The following ZNF610 variants were observed in gnomAD, a reference collection of about 807,000 sequenced individuals.
ZNF610 encodes zink finger protein.
Under a neutral mutation model 14.1 loss-of-function variants are expected in ZNF610, and 14 were observed. The ratio of observed to expected loss-of-function variants is 0.99; its 90% CI spans 0.65 to 1.55. The LOEUF (loss-of-function observed/expected upper bound fraction) is 1.55. Among genes scored for constraint, ZNF610 ranks in the 40% most tolerant of loss-of-function variants. ZNF610 has a pLI of 0.00. For missense variants in ZNF610, 530 were observed against 558.0 expected (o/e 0.95, Z 0.51); for synonymous variants, 185 against 187.6 (o/e 0.99, Z 0.11).
chr19:52,334,025 A>G (rs545867945), upstream of ZNF610, among the ~76,000 whole-genome samples: 2 of 152,350 alleles, frequency 1.3e-5, no homozygotes, highest in South Asian at 4.1e-4. Flanking sequence ...AAAACCAAAG[A>G]AATCAGAATA....
At chr19:52,349,268 T>A (rs1438958829) in intron 3 of ZNF610, 33 bp downstream of exon 3, 1 of 1,602,746 alleles carries the variant, frequency 6.2e-7, no homozygotes, top group Admixed American at 1.7e-5. Context: ...TGGTTCTCTC[T>A]GTTTCTTTCT....
At position 52,366,727 on chromosome 19, in the gene ZNF610, A is replaced by G. The variant is rs1472960657; in HGVS notation, c.1349A>G (p.His450Arg). The G allele has an allele frequency of 6.2e-7, 1 of 1,614,018 alleles. No homozygotes were observed. Among genetic ancestry groups the G allele is most frequent in the Non-Finnish European group, 8.5e-7 (1 of 1,179,964 alleles). ...CACCTTTCACGACATCGGAAAATTC[A>G]TGCTGGAGAGAATTCACTGCGTACC... ...NPHLSRHRKIHAGENSLRTLQ... is the reference protein window; with the variant it reads ...NPHLSRHRKIRAGENSLRTLQ... The change falls in exon 6 of 6, where the codon CAT (histidine) becomes CGT (arginine). Residue 450 changes from histidine (H) to arginine (R), a missense_variant. By Grantham distance (29) the His-to-Arg change is conservative. Transcript: ENST00000403906.
intron 1 of ZNF610, among the ~76,000 whole-genome samples, chr19:52,346,645 G>T (rs1004663513): frequency 6.6e-6 from 1 of 152,194 alleles, no homozygotes; most frequent in Non-Finnish European, 1.5e-5. Flanking sequence ...TGCATTACCT[G>T]CTCACAAGAA....
At chr19:52,365,559 A>T in intron 5 of ZNF610, 139 bp from the exon 6 acceptor site, 1 of 766,878 alleles carries the variant, frequency 1.3e-6, no homozygotes, top group Non-Finnish European at 2.1e-6. Flanking sequence ...TTGTGTTTTC[A>T]GCTCTCACAA....
intron 1 of ZNF610, among the ~76,000 whole-genome samples, chr19:52,337,202 T>C (rs1984427886): frequency 1.3e-5 from 2 of 148,210 alleles, no homozygotes; most frequent in South Asian, 4.3e-4. Context: ...GGAGGAGGGA[T>C]TTGGAGCCAG....
intron 1 of ZNF610, among the ~76,000 whole-genome samples, chr19:52,340,314 C>G (rs569282882): frequency 2.0e-5 from 3 of 152,266 alleles, no homozygotes; most frequent in African/African-American, 7.2e-5. Context: ...ACCCTGGAGG[C>G]AGAGGTTGTG....
At chr19:52,343,520 T>C (rs530453883) in intron 1 of ZNF610, among the ~76,000 whole-genome samples, 3 of 151,986 alleles carry the variant, frequency 2.0e-5, no homozygotes, top group East Asian at 1.9e-4. Flanking sequence ...CGAGCCGATA[T>C]CATGCTATTG....
chr19:52,341,239 A>G (rs1984677013), intron 1 of ZNF610, among the ~76,000 whole-genome samples: 2 of 152,206 alleles, frequency 1.3e-5, no homozygotes, highest in Non-Finnish European at 2.9e-5. Flanking sequence ...CAATCAAGTT[A>G]TCGCATCCAC....
Position 52,366,609 on chromosome 19 carries a change from C to G in ZNF610, c.1231C>G (p.Arg411Gly), listed in dbSNP as rs200788536. 1 of 1,614,138 alleles carries G rather than the reference C, an allele frequency of 6.2e-7. No individual in the cohort carries two copies. The highest frequency in any genetic ancestry group is 8.5e-7 in the Non-Finnish European group (1 of 1,180,040). Reference sequence around the variant, plus strand: ...TAATGAATGTGACAAAGTCTTTGGGCGCAAATTATACCTAACCAACCATCA... The same window carrying G: ...TAATGAATGTGACAAAGTCTTTGGGGGCAAATTATACCTAACCAACCATCA... ...KCNECDKVFG[R>G]KLYLTNHQRI... is the part of the protein sequence containing the mutation. Residue 411 changes from arginine (R) to glycine (G), a missense_variant, in exon 6 of 6, where the codon CGC becomes GGC. Arg to Gly is a moderately radical substitution (Grantham distance 125). Transcript: ENST00000403906.
At position 52,354,439 on chromosome 19, in the gene ZNF610, G is replaced by A. The variant is rs80085749; in HGVS notation, c.319+60G>A. 5,071 of 1,566,292 alleles carry A rather than the reference G, an allele frequency of 3.2e-3. 131 individuals carry two copies. In the African/African-American group the frequency reaches 0.061, roughly 19 times the overall value. ...TTTTTATTTTTTTATTTTTGAGCCAGGGTGTTCCGCTATCACCCAGGCTGT... is the reference window on the plus strand; with the variant it reads ...TTTTTATTTTTTTATTTTTGAGCCAAGGTGTTCCGCTATCACCCAGGCTGT... On this transcript the variant is annotated intron_variant, in intron 5 of 5. Coordinates refer to ENST00000403906, the MANE Select transcript of ZNF610 (RefSeq NM_001161425.2).
At chr19:52,352,654 C>G (rs549236137) in intron 3 of ZNF610, among the ~76,000 whole-genome samples, 2 of 152,154 alleles carry the variant, frequency 1.3e-5, no homozygotes, top group East Asian at 3.9e-4. Context: ...TGCCTCCTAC[C>G]CCCACTTTTT....
In ZNF610 at chr19:52,348,404, CT is replaced by C. The variant is rs371511072; in HGVS notation, c.-20+468del. Among the ~76,000 whole-genome samples, 72 of 151,654 alleles carry C rather than the reference CT, an allele frequency of 4.7e-4. 1 individual carries two copies. In the East Asian group the frequency reaches 0.012, roughly 25 times the overall value. On this transcript the variant is annotated intron_variant, in intron 2 of 5. Coordinates refer to ENST00000403906, the MANE Select transcript of ZNF610 (RefSeq NM_001161425.2). ...TGTTTGTTACTTTTTGGTTTCTTTC[CT>C]TTTTTTTGTAATTATTTCAGTCTGT...
chr19:52,359,440 T>C (rs2657937), intron 5 of ZNF610, among the ~76,000 whole-genome samples: 26,455 of 152,070 alleles, frequency 0.17, 2,711 homozygotes, highest in East Asian at 0.32. Flanking sequence ...TCATTGAATC[T>C]GCACATATGG....
rs764201204 is a variant in ZNF610, at chr19:52,349,209, A to G, written c.37A>G (p.Lys13Glu). The part of the protein sequence containing the change: ...CDEEAQKRKA[K>E]ESGMALPQGR... ...TGAAGAAGCCCAGAAGAGGAAAGCA[A>G]AGGAGTCAGGGATGGCTCTTCCTCA... The change falls in exon 3 of 6, where the codon AAG becomes GAG. Residue 13 changes from lysine (K) to glutamate (E), a missense_variant. Lys to Glu is a moderately conservative substitution (Grantham distance 56). Transcript: ENST00000403906. The G allele has an allele frequency of 2.5e-6, 4 of 1,613,150 alleles. No homozygotes were observed. Among genetic ancestry groups the G allele is most frequent in the Non-Finnish European group, 3.4e-6 (4 of 1,179,898 alleles).
In ZNF610 at chr19:52,365,773, A is replaced by G. The variant is rs1403023532; in HGVS notation, c.395A>G (p.His132Arg). 3.1e-6 allele frequency: 5 copies of G among 1,614,078 alleles called. No individual in the cohort carries two copies. The highest frequency in any genetic ancestry group is 4.2e-6 in the Non-Finnish European group (5 of 1,180,048). Residue 132 changes from histidine to arginine, a missense_variant, in exon 6 of 6, where the codon CAT becomes CGT. Physicochemically the swap from His to Arg is conservative, Grantham distance 29. Coordinates refer to ENST00000403906, the MANE Select transcript of ZNF610 (RefSeq NM_001161425.2). ...KNQLGLTLEA[H>R]LSELQLFQAG... is the part of the protein sequence containing the mutation. ...CAACTTGGATTAACCCTTGAGGCAC[A>G]TCTGTCTGAATTGCAGCTGTTTCAA...
At chr19:52,356,676 T>C (rs896718360) in intron 5 of ZNF610, among the ~76,000 whole-genome samples, 5 of 152,324 alleles carry the variant, frequency 3.3e-5, no homozygotes, top group Middle Eastern at 3.4e-3. Context: ...CGTGACTTAG[T>C]AGCTACTATT....
intron 3 of ZNF610, among the ~76,000 whole-genome samples, chr19:52,350,187 G>C (rs1403339389): frequency 6.6e-6 from 1 of 152,290 alleles, no homozygotes; most frequent in Middle Eastern, 3.4e-3. Flanking sequence ...CCAGCAATTA[G>C]TTATTTTTTT....
At chr19:52,346,561 G>A (rs574035057) in intron 1 of ZNF610, among the ~76,000 whole-genome samples, 1 of 152,248 alleles carries the variant, frequency 6.6e-6, no homozygotes, top group South Asian at 2.1e-4. Flanking sequence ...GCCTCCCAAA[G>A]TTCTGGGGTT....
At chr19:52,334,337 A>G (rs970217813), upstream of ZNF610, among the ~76,000 whole-genome samples, 3 of 152,214 alleles carry the variant, frequency 2.0e-5, no homozygotes, top group Non-Finnish European at 4.4e-5. Context: ...ACTTAGTGAA[A>G]TCCCGTCTCT....
Sources: gnomAD v4.1 joint callset for allele counts (sites outside exome capture counted in the v4.1 genomes callset) on GRCh38, gnomAD v4.1.1 for gene constraint, MANE v1.5 for transcripts, NCBI Gene and HGNC (gene_info 2026-07-23, HGNC 2026-07-21) for gene names.